ZNF782: variants seen among roughly 807,000 people sequenced by gnomAD.
ZNF782 encodes zinc finger protein 782.
A neutral mutation model predicts 13.0 loss-of-function variants in ZNF782; 12 were observed. That is an observed-to-expected ratio of 0.92 (90% CI 0.59 to 1.50). The LOEUF (loss-of-function observed/expected upper bound fraction) is 1.50. Among genes scored for constraint, ZNF782 ranks in the 40% most tolerant of loss-of-function variants. The pLI is 0.00. For synonymous variants in ZNF782, 284 were observed against 283.0 expected (o/e 1.00, Z -0.04); for missense variants, 770 against 822.9 (o/e 0.94, Z 0.79).
In ZNF782 at chr9:96,819,076, C is replaced by T; in HGVS notation, c.947G>A (p.Gly316Glu). The change falls in exon 6 of 6, where the codon GGA (glycine) becomes GAA (glutamate). Residue 316 changes from glycine (G) to glutamate (E), a missense_variant. Coordinates refer to ENST00000481138, the MANE Select transcript of ZNF782 (RefSeq NM_001001662.3). ...VHIGVKPFEY[G>E]KSFNRNSTLP... ...GGTTGAATTACGGTTGAAACTTTTT[C>T]CATATTCAAAGGGTTTCACCCCTAT... 6.2e-7 allele frequency: 1 copy of T among 1,614,066 alleles called. No homozygotes were observed. Among genetic ancestry groups the T allele is most frequent in the Non-Finnish European group, 8.5e-7 (1 of 1,180,020 alleles).
intron 4 of ZNF782, among the ~76,000 whole-genome samples, chr9:96,839,367 C>A (rs1462099336): frequency 7.4e-6 from 1 of 134,820 alleles, no homozygotes; most frequent in Non-Finnish European, 1.6e-5. Flanking sequence ...GGTGTCATTT[C>A]TTGGGTTCCA....
At chr9:96,857,279 G>A (rs537569112), upstream of ZNF782, among the ~76,000 whole-genome samples, 6 of 152,244 alleles carry the variant, frequency 3.9e-5, no homozygotes, top group African/African-American at 1.4e-4. Context: ...GATGCCCTTG[G>A]CTGAGATGAC....
At chr9:96,858,159 G>A (rs1851666867), upstream of ZNF782, among the ~76,000 whole-genome samples, 1 of 152,206 alleles carries the variant, frequency 6.6e-6, no homozygotes, top group African/African-American at 2.4e-5. The surrounding 1 kb of genome is among the most constrained non-coding windows in gnomAD (Gnocchi z 4.4). Context: ...TCTTGCTGGT[G>A]TTTCCGCTGC....
the ZNF782 span, among the ~76,000 whole-genome samples, chr9:96,931,309 C>CGGCATTCAG: frequency 6.6e-6 from 1 of 151,380 alleles, no homozygotes; most frequent in Admixed American, 6.6e-5. Context: ...GGTTTCCTGT[C>CGGCATTCAG]GGCCTTCTGA....
chr9:96,862,157 C>A (rs1256678816), intron 1 of ZNF782, among the ~76,000 whole-genome samples: 2 of 152,160 alleles, frequency 1.3e-5, no homozygotes, highest in Non-Finnish European at 2.9e-5. Context: ...GCAAGAAAGA[C>A]AAACTTCACA....
intron 1 of ZNF782, among the ~76,000 whole-genome samples, chr9:96,864,877 T>TA (rs35546553): frequency 0.41 from 38,130 of 92,740 alleles, 6,298 homozygotes; most frequent in Middle Eastern, 0.49. Flanking sequence ...CAAAAAGAAC[T>TA]AAAAAAAAAA....
the ZNF782 span, chr9:96,892,444 G>A: frequency 6.6e-6 from 1 of 152,226 alleles, no homozygotes; most frequent in Admixed American, 6.5e-5. Flanking sequence ...TCCTCATGAA[G>A]GTTCGGTGTG....
At chr9:96,889,783 T>C in the ZNF782 span, 1 of 152,246 alleles carries the variant, frequency 6.6e-6, no homozygotes, top group Admixed American at 6.5e-5. Context: ...TGTGTGTGTG[T>C]ATATGTGTAT....
chr9:96,914,304 TAG>T, the ZNF782 span, among the ~76,000 whole-genome samples: 1 of 150,938 alleles, frequency 6.6e-6, no homozygotes, highest in African/African-American at 2.4e-5. Context: ...GTATTTTTAG[TAG>T]AGACGGGGTT....
At chr9:96,875,439 C>G (rs374500764) in intron 1 of ZNF782, 71 of 456,544 alleles carry the variant, frequency 1.6e-4, no homozygotes, top group South Asian at 1.1e-3. Flanking sequence ...AAACCTCTTA[C>G]CCGGTTCCCG....
chr9:96,913,341 C>T, the ZNF782 span, among the ~76,000 whole-genome samples: 2 of 151,832 alleles, frequency 1.3e-5, no homozygotes, highest in South Asian at 4.2e-4. Context: ...AAAATCAAAC[C>T]ATTAGAGTAG....
intron 5 of ZNF782, among the ~76,000 whole-genome samples, chr9:96,826,821 C>T (rs1329357393): frequency 6.6e-6 from 1 of 152,152 alleles, no homozygotes; most frequent in Non-Finnish European, 1.5e-5. Context: ...CCCTGGGCAC[C>T]AGTTCTGGGT....
intron 3 of ZNF782, 94 bp downstream of exon 3, chr9:96,851,853 T>C: frequency 1.6e-6 from 2 of 1,247,440 alleles, no homozygotes; most frequent in Non-Finnish European, 2.3e-6. Flanking sequence ...CAAGATTTAC[T>C]TATCTATTTC....
At chr9:96,870,477 C>G (rs1038158698) in intron 1 of ZNF782, among the ~76,000 whole-genome samples, 3 of 152,130 alleles carry the variant, frequency 2.0e-5, no homozygotes, top group Admixed American at 6.5e-5. Context: ...GAAGAAACAC[C>G]TACAATTCAA....
chr9:96,862,241 G>T (rs1438843310), intron 1 of ZNF782, among the ~76,000 whole-genome samples: 1 of 152,126 alleles, frequency 6.6e-6, no homozygotes, highest in East Asian at 1.9e-4. Context: ...GGGGATGGGG[G>T]GTAAAGAGTA....
chr9:96,880,108 T>C (rs1851944887), upstream of ZNF782, among the ~76,000 whole-genome samples: 2 of 152,032 alleles, frequency 1.3e-5, no homozygotes, highest in African/African-American at 4.8e-5. Flanking sequence ...TAATACGTAA[T>C]ATGGTTGATA....
rs1187165220 is a variant in ZNF782 at position 96,854,079 on chromosome 9, G to A, written c.-262+9C>T. On this transcript the variant is annotated intron_variant, in intron 1 of 5. Coordinates refer to ENST00000481138, the MANE Select transcript of ZNF782 (RefSeq NM_001001662.3). ...GCCTCGGCTTCCAGTTGACAGAGAT[G>A]GAACTTACCCGGGTTTTTCCAGCTC... is the stretch of plus-strand genomic sequence containing the variant. 1 of 152,276 alleles carries A rather than the reference G, an allele frequency of 6.6e-6. No individual in the cohort carries two copies. The highest frequency in any genetic ancestry group is 6.5e-5 in the Admixed American group (1 of 15,290). 9.4% of individuals were successfully genotyped at this position (152,276 alleles called of 1,614,324 possible). A position where few individuals can be genotyped will look rare whatever the true frequency, so the allele number is the denominator to read the frequency against.
chr9:96,837,074 T>G (rs76645202), intron 4 of ZNF782, among the ~76,000 whole-genome samples: 2,871 of 152,320 alleles, frequency 0.019, 80 homozygotes, highest in African/African-American at 0.065. Flanking sequence ...CAAACTGGAC[T>G]GAGACACTCC....
At chr9:96,893,999 C>CAAAAAAAAAAAAAAAAAAAAAAAAAA in the ZNF782 span, 1 of 48,886 alleles carries the variant, frequency 2.0e-5, no homozygotes, top group South Asian at 6.2e-4. Context: ...GACTCCGTCT[C>CAAAAAAAAAAAAAAAAAAAAAAAAAA]AAAAAAAAAA....
Sources: gnomAD v4.1 joint callset for allele counts (sites outside exome capture counted in the v4.1 genomes callset) on GRCh38, gnomAD v4.1.1 for gene constraint, Gnocchi (gnomAD v3.1) non-coding constraint, MANE v1.5 for transcripts, NCBI Gene and HGNC (gene_info 2026-07-23, HGNC 2026-07-21) for gene names.